TENM3: variants seen among roughly 807,000 people sequenced by gnomAD.
The protein encoded by TENM3 is teneurin-3.
Under a neutral mutation model 255.1 loss-of-function variants are expected in TENM3, and 63 were observed. The observed-to-expected ratio is 0.25, with a 90% CI of 0.20 to 0.30. The LOEUF (loss-of-function observed/expected upper bound fraction) is 0.30. TENM3 is among the 10% of genes least tolerant of loss of function. The pLI, the probability that TENM3 is intolerant of heterozygous loss-of-function variation, is 1.00. For synonymous variants in TENM3, 1,306 were observed against 1,322.3 expected, an observed-to-expected ratio of 0.99 and a Z score of 0.27; for missense variants, 2,929 against 3,461.1, an observed-to-expected ratio of 0.85 and a Z score of 3.86.
the TENM3 span, among the ~76,000 whole-genome samples, chr4:181,853,394 G>A: frequency 6.6e-6 from 1 of 151,986 alleles, no homozygotes; most frequent in East Asian, 1.9e-4. Flanking sequence ...AACTATATTG[G>A]GTTACATGTA....
At chr4:182,528,998 C>T (rs1011287329) in intron 3 of TENM3, among the ~76,000 whole-genome samples, 2 of 152,192 alleles carry the variant, frequency 1.3e-5, no homozygotes, top group Admixed American at 1.3e-4. Flanking sequence ...AACGCATGAT[C>T]GTTCTCTGCT....
At chr4:181,901,534 G>A in the TENM3 span, among the ~76,000 whole-genome samples, 1 of 152,164 alleles carries the variant, frequency 6.6e-6, no homozygotes, top group African/African-American at 2.4e-5. Flanking sequence ...GATTTCCAAT[G>A]GAAATTACTC....
intron 3 of TENM3, among the ~76,000 whole-genome samples, chr4:182,428,374 C>T (rs1247283779): frequency 6.6e-6 from 1 of 152,132 alleles, no homozygotes; most frequent in Non-Finnish European, 1.5e-5. Flanking sequence ...AGGTACCTCA[C>T]TGTAGCCACC....
chr4:182,349,672 A>C (rs1237517273), intron 3 of TENM3, among the ~76,000 whole-genome samples: 1 of 152,216 alleles, frequency 6.6e-6, no homozygotes, highest in Non-Finnish European at 1.5e-5. Context: ...TACCTATATT[A>C]CTACTTTTAG....
chr4:181,589,963 C>A, the TENM3 span, among the ~76,000 whole-genome samples: 1 of 152,186 alleles, frequency 6.6e-6, no homozygotes, highest in Admixed American at 6.5e-5. Flanking sequence ...TTGCCCCTCC[C>A]ACTTCTCAAC....
At chr4:182,722,679 A>G (rs1759834492) in intron 13 of TENM3, among the ~76,000 whole-genome samples, 1 of 152,252 alleles carries the variant, frequency 6.6e-6, no homozygotes, top group African/African-American at 2.4e-5. Context: ...CATTTTAGCC[A>G]GAGAAGTGAA....
intron 3 of TENM3, among the ~76,000 whole-genome samples, chr4:182,380,641 A>G (rs1767499798): frequency 6.6e-6 from 1 of 152,036 alleles, no homozygotes; most frequent in Non-Finnish European, 1.5e-5. Context: ...AGCACCTTGA[A>G]CTACACATAA....
At chr4:181,694,427 A>C in the TENM3 span, among the ~76,000 whole-genome samples, 32 of 152,230 alleles carry the variant, frequency 2.1e-4, 1 homozygote, top group Admixed American at 1.5e-3. Flanking sequence ...AACAATCCTT[A>C]CTTTCAAGGT....
rs547465178 is a variant in TENM3 at position 182,622,510 on chromosome 4, G to A, written c.750-6141G>A. Among the ~76,000 whole-genome samples, 21 of 152,256 alleles carry A rather than the reference G, an allele frequency of 1.4e-4. No individual in the cohort carries two copies. The South Asian group carries it at 3.5e-3, about 26-fold the overall frequency. On this transcript the variant is annotated intron_variant, in intron 4 of 27. Transcript: ENST00000511685. The stretch of plus-strand genomic sequence containing the variant: ...TGTCTCTCACGTAGTAGATATTCAC[G>A]TTTTTAGTGTTGAGGCTAAGTTCAT...
chr4:181,508,781 G>A, the TENM3 span, among the ~76,000 whole-genome samples: 2 of 151,858 alleles, frequency 1.3e-5, no homozygotes, highest in Non-Finnish European at 2.9e-5. Context: ...ACTGATGCCA[G>A]GAAGGTCAAA....
chr4:181,453,973 C>A, the TENM3 span, among the ~76,000 whole-genome samples: 1 of 152,080 alleles, frequency 6.6e-6, no homozygotes, highest in Admixed American at 6.6e-5. Flanking sequence ...CACTGTACAG[C>A]TTTTGACCTC....
chr4:181,449,996 C>T, the TENM3 span, among the ~76,000 whole-genome samples: 4 of 152,038 alleles, frequency 2.6e-5, no homozygotes, highest in Non-Finnish European at 4.4e-5. Context: ...TATGTCATTC[C>T]GCATATTTTT....
At chr4:181,813,872 G>C in the TENM3 span, among the ~76,000 whole-genome samples, 2 of 152,248 alleles carry the variant, frequency 1.3e-5, no homozygotes, top group Admixed American at 6.5e-5. Context: ...CTGAATAAGT[G>C]TTGGGAAAGG....
intron 7 of TENM3, among the ~76,000 whole-genome samples, chr4:182,674,853 G>A (rs1472485251): frequency 6.6e-6 from 1 of 152,110 alleles, no homozygotes; most frequent in Non-Finnish European, 1.5e-5. Context: ...TTACAGGCAT[G>A]AGCCACCGCG....
At chr4:182,344,159 G>A (rs533305734) in intron 2 of TENM3, among the ~76,000 whole-genome samples, 1 of 152,138 alleles carries the variant, frequency 6.6e-6, no homozygotes, top group East Asian at 1.9e-4. Context: ...AGTCAGGACA[G>A]CCCTGAAAGA....
chr4:181,476,349 A>G, the TENM3 span, among the ~76,000 whole-genome samples: 4 of 152,020 alleles, frequency 2.6e-5, no homozygotes, highest in African/African-American at 9.7e-5. Context: ...CTGTTTACCC[A>G]TGCGGCTTTT....
At chr4:182,790,587 C>G (rs1167762846) in intron 25 of TENM3, among the ~76,000 whole-genome samples, 1 of 152,170 alleles carries the variant, frequency 6.6e-6, no homozygotes, top group Non-Finnish European at 1.5e-5. Context: ...AGCTAGGACC[C>G]TCATGGCCAA....
At chr4:181,782,811 G>A in the TENM3 span, among the ~76,000 whole-genome samples, 1 of 152,082 alleles carries the variant, frequency 6.6e-6, no homozygotes, top group African/African-American at 2.4e-5. Context: ...AGAGATTCTG[G>A]TGTGTTGTGT....
chr4:181,465,327 G>T, the TENM3 span, among the ~76,000 whole-genome samples: 1 of 141,298 alleles, frequency 7.1e-6, no homozygotes, highest in Non-Finnish European at 1.6e-5. Context: ...TTTTCATTAA[G>T]ATATATATTT....
Sources: allele counts gnomAD v4.1 joint callset (sites outside exome capture counted in the v4.1 genomes callset), GRCh38; gene constraint gnomAD v4.1.1; transcripts MANE v1.5; gene names NCBI Gene and HGNC (gene_info 2026-07-23, HGNC 2026-07-21).